OTUD5: variants seen among roughly 807,000 people sequenced by gnomAD.
The protein encoded by OTUD5 is OTU domain-containing protein 5.
In OTUD5, 2 loss-of-function variants were observed where a neutral mutation model predicts 36.3. The observed-to-expected ratio is 0.06, with a 90% CI of 0.02 to 0.17. The LOEUF (loss-of-function observed/expected upper bound fraction) is 0.17, where lower values mean the gene tolerates loss of function less well. Among genes scored for constraint, OTUD5 ranks in the 10% least tolerant of loss-of-function variants. The pLI, the probability that OTUD5 is intolerant of heterozygous loss-of-function variation, is 1.00. For synonymous variants in OTUD5, 234 were observed against 214.9 expected, an observed-to-expected ratio of 1.09 and a Z score of -0.78; for missense variants, 233 against 512.3, an observed-to-expected ratio of 0.45 and a Z score of 5.26.
chrX:48,952,055 TA>T (rs1272381275), intron 1 of OTUD5, among the ~76,000 whole-genome samples: 4 of 101,638 alleles, frequency 3.9e-5, no homozygotes, highest in Admixed American at 2.1e-4. Context: ...GACTCCACCT[TA>T]AAAAAAAAAC....
chrX:48,932,909 G>C (rs1207908278), intron 5 of OTUD5, among the ~76,000 whole-genome samples: 2 of 111,082 alleles, frequency 1.8e-5, no homozygotes, highest in African/African-American at 6.6e-5. Context: ...TTGAGCCAGG[G>C]AAGTGGAGGC....
chrX:48,948,491 T>G (rs2064072476), intron 1 of OTUD5, among the ~76,000 whole-genome samples: 2 of 112,459 alleles, frequency 1.8e-5, no homozygotes, highest in Admixed American at 1.9e-4. Flanking sequence ...AGGACATACC[T>G]TGCAGCCCAT....
intron 5 of OTUD5, among the ~76,000 whole-genome samples, chrX:48,933,907 T>C (rs1352756825): frequency 9.4e-6 from 1 of 106,206 alleles, no homozygotes; most frequent in Non-Finnish European, 2.0e-5. Flanking sequence ...AGCAAATGAC[T>C]GTAAGAGAGA....
At chrX:48,939,132 C>T (rs1263323199) in intron 2 of OTUD5, among the ~76,000 whole-genome samples, 1 of 111,870 alleles carries the variant, frequency 8.9e-6, no homozygotes, top group Non-Finnish European at 1.9e-5. Flanking sequence ...CAAAGCTTGC[C>T]TGGGATCACA....
chrX:48,923,397 C>A (rs2063612139), intron 8 of OTUD5, 102 bp from the exon 9 acceptor site: 2 of 664,337 alleles, frequency 3.0e-6, no homozygotes, highest in Non-Finnish European at 2.3e-6. Context: ...TCCCATAGGG[C>A]CCTTCTCACT....
At chrX:48,947,600 G>A in intron 1 of OTUD5, among the ~76,000 whole-genome samples, 1 of 109,519 alleles carries the variant, frequency 9.1e-6, no homozygotes, top group East Asian at 2.8e-4. Context: ...CTACTCGGGA[G>A]GCTGAGGCAG....
intron 1 of OTUD5, among the ~76,000 whole-genome samples, chrX:48,954,439 T>A (rs1202369699): frequency 9.0e-6 from 1 of 111,264 alleles, no homozygotes; most frequent in African/African-American, 3.3e-5. Context: ...GCATAGGATG[T>A]TTTTCCTCTG....
chrX:48,941,639 G>A (rs1376311064), intron 2 of OTUD5, among the ~76,000 whole-genome samples: 1 of 110,082 alleles, frequency 9.1e-6, no homozygotes, highest in Non-Finnish European at 1.9e-5. Flanking sequence ...GCACACAGCA[G>A]GGGTCAAGGA....
Position 48,922,686 on chromosome X carries a change from CAG to C in OTUD5, c.*486_*487del. ...AAGAAAAAATTCAACATTGAAGGCT[CAG>C]ACGTTCTTGGGGGTACTGGGAAGGG... On this transcript the variant is annotated 3_prime_UTR_variant, in exon 9 of 9. Transcript: ENST00000376488. 1.2e-5 allele frequency: 9 copies of C among 755,831 alleles called. No homozygotes were observed. The highest frequency in any genetic ancestry group is 1.4e-5 in the Non-Finnish European group (9 of 639,861). 62.3% of individuals were successfully genotyped at this position (755,831 alleles called of 1,213,427 possible). A position where few individuals can be genotyped will look rare whatever the true frequency, so the allele number is the denominator to read the frequency against.
At chrX:48,929,971 G>A (rs1224382349) in intron 5 of OTUD5, among the ~76,000 whole-genome samples, 1 of 109,144 alleles carries the variant, frequency 9.2e-6, no homozygotes. Context: ...AGGTGTGGTG[G>A]CAGGCACCTG....
chrX:48,957,238 G>GCCGCCGGGACCA lies in OTUD5; in HGVS notation c.321_332dup (p.Gly111_Gly114dup). On this transcript the variant is annotated inframe_insertion, in exon 1 of 9. Coordinates refer to ENST00000376488, the MANE Select transcript of OTUD5 (RefSeq NM_001136157.2). ...CTGCGCCCAGCGCGTCGCCGGGACC[G>GCCGCCGGGACCA]CCGCCGGGACCACCTGGGCCCCCGC... The GCCGCCGGGACCA allele has an allele frequency of 1.8e-6, 2 of 1,092,865 alleles. No homozygotes were observed. Among genetic ancestry groups the GCCGCCGGGACCA allele is most frequent in the Non-Finnish European group, 2.4e-6 (2 of 847,406 alleles). The allele number at this position is 1,092,865 out of a possible 1,213,427, so 90.1% of individuals were successfully genotyped here.
chrX:48,957,925 C>G (rs1944721535), upstream of OTUD5: 1 of 568,792 alleles, frequency 1.8e-6, no homozygotes, highest in East Asian at 1.7e-4. Context: ...TTCGCTCCGC[C>G]CCCTCGCAGG....
At chrX:48,924,158 G>A (rs1602363114) in intron 6 of OTUD5, 106 bp from the exon 7 acceptor site, 1 of 736,723 alleles carries the variant, frequency 1.4e-6, no homozygotes, top group Non-Finnish European at 2.0e-6. Flanking sequence ...CTATGATACA[G>A]CTTCTATGTA....
chrX:48,949,355 C>T (rs1569516233), intron 1 of OTUD5, among the ~76,000 whole-genome samples: 1 of 111,712 alleles, frequency 9.0e-6, no homozygotes, highest in Non-Finnish European at 1.9e-5. Flanking sequence ...TCAAGACTAG[C>T]CTGGGCAACA....
intron 1 of OTUD5, among the ~76,000 whole-genome samples, chrX:48,945,159 G>A (rs186916470): frequency 9.0e-6 from 1 of 110,571 alleles, no homozygotes; most frequent in African/African-American, 3.3e-5. Flanking sequence ...ACAAAATTGG[G>A]AAGGCTAGAC....
At chrX:48,945,042 T>G (rs2063999145) in intron 1 of OTUD5, among the ~76,000 whole-genome samples, 1 of 107,265 alleles carries the variant, frequency 9.3e-6, no homozygotes, top group South Asian at 4.0e-4. Flanking sequence ...AAAAAAGAGA[T>G]ATACTCTAGA....
At chrX:48,937,859 A>G (rs192608948) in intron 2 of OTUD5, among the ~76,000 whole-genome samples, 1 of 112,012 alleles carries the variant, frequency 8.9e-6, no homozygotes, top group African/African-American at 3.2e-5. Flanking sequence ...GAATGTTGCC[A>G]TAACCACTTA....
At chrX:48,947,369 A>C (rs190626736) in intron 1 of OTUD5, among the ~76,000 whole-genome samples, 5 of 109,866 alleles carry the variant, frequency 4.6e-5, no homozygotes, top group Admixed American at 9.7e-5. Context: ...TAGGCGACAG[A>C]GTGAGACTCT....
chrX:48,934,934 A>C lies in OTUD5; in HGVS notation c.753+20T>G. 5 of 1,202,408 alleles carry C rather than the reference A, an allele frequency of 4.2e-6. No homozygotes were observed. The highest frequency in any genetic ancestry group is 5.6e-6 in the Non-Finnish European group (5 of 886,858). On this transcript the variant is annotated intron_variant, in intron 3 of 8. Transcript: ENST00000376488. ...AATCCTCCCACCCTGCCCCTTCCCC[A>C]AAGGCCTCCATTTTCTCACCAGATA...
Sources: allele counts gnomAD v4.1 joint callset (sites outside exome capture counted in the v4.1 genomes callset), GRCh38; gene constraint gnomAD v4.1.1; transcripts MANE v1.5; gene names NCBI Gene and HGNC (gene_info 2026-07-23, HGNC 2026-07-21).